Variants in NFIC observed in about 807,000 individuals in gnomAD.
The protein encoded by NFIC is nuclear factor I C, also known as nuclear factor 1 C-type.
NFIC carries 12 observed loss-of-function variants against 54.4 expected under a neutral mutation model. The ratio of observed to expected loss-of-function variants is 0.22; its 90% CI spans 0.14 to 0.36. The LOEUF (loss-of-function observed/expected upper bound fraction) is 0.36, where lower values mean the gene tolerates loss of function less well. NFIC is among the 10% of genes least tolerant of loss of function. The pLI, the probability that NFIC is intolerant of heterozygous loss-of-function variation, is 1.00. For synonymous variants in NFIC, 322 were observed against 319.2 expected (o/e 1.01, Z -0.09); for missense variants, 575 against 718.2 (o/e 0.80, Z 2.28).
chr19:3,419,956 G>A lies in NFIC; in HGVS notation c.563-5150G>A, dbSNP rs184897414. Among the ~76,000 whole-genome samples the A allele has an allele frequency of 2.1e-3, 313 of 152,156 alleles. 1 individual carries two copies. The highest frequency in any genetic ancestry group is 6.8e-3 in the Middle Eastern group (2 of 294). On this transcript the variant is annotated intron_variant, in intron 2 of 10. Coordinates refer to ENST00000443272, the MANE Select transcript of NFIC (RefSeq NM_001245002.2). ...GGCTGGATGTTTTCTCCCGAGATCA[G>A]GAACAAGACAAGGACACCACTTTCC...
intron 1 of NFIC, among the ~76,000 whole-genome samples, chr19:3,373,638 A>G (rs939948809): frequency 9.5e-6 from 1 of 105,510 alleles, no homozygotes; most frequent in Non-Finnish European, 1.8e-5. Flanking sequence ...AAGCTAAAAA[A>G]CACCCCCCAC....
intron 2 of NFIC, among the ~76,000 whole-genome samples, chr19:3,414,042 G>A (rs914981136): frequency 4.6e-5 from 7 of 152,122 alleles, no homozygotes; most frequent in Admixed American, 1.3e-4. Context: ...TCCCTTGGGC[G>A]TCTGGCATCC....
chr19:3,436,591 C>G (rs2082207745), intron 6 of NFIC, among the ~76,000 whole-genome samples: 1 of 151,986 alleles, frequency 6.6e-6, no homozygotes, highest in Non-Finnish European at 1.5e-5. Flanking sequence ...TCTCCTGCCT[C>G]AGCCTCCCAA....
At chr19:3,390,371 G>C (rs2081358976) in intron 2 of NFIC, among the ~76,000 whole-genome samples, 1 of 152,206 alleles carries the variant, frequency 6.6e-6, no homozygotes, top group South Asian at 2.1e-4. Context: ...TGGTAAAGAG[G>C]GACGGGCAGG....
At chr19:3,383,294 G>C (rs2081242857) in intron 2 of NFIC, among the ~76,000 whole-genome samples, 1 of 152,166 alleles carries the variant, frequency 6.6e-6, no homozygotes, top group South Asian at 2.1e-4. Flanking sequence ...TAGCTCTGTG[G>C]GGTTGAGGAA....
At chr19:3,429,849 C>T (rs968260044) in intron 3 of NFIC, among the ~76,000 whole-genome samples, 2 of 152,194 alleles carry the variant, frequency 1.3e-5, no homozygotes, top group Admixed American at 6.6e-5. Context: ...TTCCCAGTGC[C>T]GGGAACATCG....
intron 9 of NFIC, 170 bp downstream of exon 9, chr19:3,454,086 G>A: frequency 2.2e-6 from 3 of 1,368,190 alleles, no homozygotes; most frequent in Non-Finnish European, 2.8e-6. Context: ...CCCATGTAGG[G>A]CTGAGGCAGC....
rs1024832896 is a variant in NFIC at position 3,463,430 on chromosome 19, G to A, written c.*661G>A. 1.4e-5 allele frequency: 14 copies of A among 985,390 alleles called. No individual in the cohort carries two copies. Among genetic ancestry groups the A allele is most frequent in the Non-Finnish European group, 1.6e-5 (13 of 830,066 alleles). The allele number at this position is 985,390 out of a possible 1,614,324, so 61.0% of individuals were successfully genotyped here. A position where few individuals can be genotyped will look rare whatever the true frequency, so the allele number is the denominator to read the frequency against. On this transcript the variant is annotated 3_prime_UTR_variant, in exon 11 of 11. Transcript: ENST00000443272. ...GAGTGGTGTCGCGGGGGTGCGTGGC[G>A]CTTGCGAGCCCTGGCCAGGGGAGGA... is the stretch of plus-strand genomic sequence containing the variant.
rs1453970287 is a variant in NFIC, at chr19:3,370,719, CCT to C, written c.30+4062_30+4063del. The stretch of plus-strand genomic sequence containing the variant: ...CTGTCTCTTTCTTTCTCCCTCCCTT[CCT>C]CTCTCTCTGTTCCTCCTCTTCTTTC... On this transcript the variant is annotated intron_variant, in intron 1 of 10. Coordinates refer to ENST00000443272, the MANE Select transcript of NFIC (RefSeq NM_001245002.2). This position sits in a 1 kb window ranked among gnomAD's most constrained non-coding sequence, Gnocchi z 5.2. Among the ~76,000 whole-genome samples the C allele has an allele frequency of 3.3e-5, 5 of 151,218 alleles. No homozygotes were observed. The East Asian group carries it at 5.8e-4, about 18-fold the overall frequency.
Position 3,381,830 on chromosome 19 carries a change from C to G in NFIC, c.149C>G (p.Ser50Trp), listed in dbSNP as rs904256509. Residue 50 changes from serine to tryptophan, a missense_variant, in exon 2 of 11, where the codon TCG (serine) becomes TGG (tryptophan). Transcript: ENST00000443272. Reference sequence around the variant, plus strand: ...TTCAAGAAGCACGAGAAGCGGATGTCGAAGGACGAGGAGCGTGCGGTCAAG... The same window carrying G: ...TTCAAGAAGCACGAGAAGCGGATGTGGAAGGACGAGGAGCGTGCGGTCAAG... ...KYFKKHEKRM[S>W]KDEERAVKDE... 6.2e-7 allele frequency: 1 copy of G among 1,614,014 alleles called. No homozygotes were observed. Among genetic ancestry groups the G allele is most frequent in the Non-Finnish European group, 8.5e-7 (1 of 1,179,972 alleles).
chr19:3,361,094 T>C (rs1199371836), intron 1 of NFIC, among the ~76,000 whole-genome samples: 1 of 152,010 alleles, frequency 6.6e-6, no homozygotes, highest in Non-Finnish European at 1.5e-5. Flanking sequence ...CCCCTCCACT[T>C]CCCCCAGCCT....
intron 1 of NFIC, among the ~76,000 whole-genome samples, chr19:3,371,998 C>CCTCTCT (rs56852086): frequency 0.08 from 2,839 of 35,370 alleles, 673 homozygotes; most frequent in Non-Finnish European, 0.11. Flanking sequence ...CCTCTCTCTC[C>CCTCTCT]CTCTCTCTCT....
chr19:3,466,037 CAAA>C lies in NFIC; in HGVS notation c.*3271_*3273del, dbSNP rs1282021647. 7 of 152,238 alleles carry C rather than the reference CAAA, an allele frequency of 4.6e-5. No individual in the cohort carries two copies. The East Asian group carries it at 1.4e-3, about 29-fold the overall frequency. The allele number at this position is 152,238 out of a possible 1,614,324, so 9.4% of individuals were successfully genotyped here. A position where few individuals can be genotyped will look rare whatever the true frequency, so the allele number is the denominator to read the frequency against. On this transcript the variant is annotated 3_prime_UTR_variant, in exon 11 of 11. Transcript: ENST00000443272. This position sits in a 1 kb window ranked among gnomAD's most constrained non-coding sequence, Gnocchi z 4.8. The stretch of plus-strand genomic sequence containing the variant: ...AATATGAAGGGTATCCTGTATGAAA[CAAA>C]AACAAAACCTGATATATGCAATATC...
rs536392436 is a variant in NFIC at position 3,429,792 on chromosome 19, T to G, written c.635-3726T>G. Among the ~76,000 whole-genome samples the G allele has an allele frequency of 6.6e-5, 10 of 152,316 alleles. 1 individual carries two copies. Among genetic ancestry groups the G allele is most frequent in the Admixed American group, 5.9e-4 (9 of 15,292 alleles). On this transcript the variant is annotated intron_variant, in intron 3 of 10. Transcript: ENST00000443272. ...TCTTTCCACTCCAACCCTGCTGGCC[T>G]GCAACTTGCCAAGTGCATTTCTACC...
At chr19:3,363,605 A>ATG (rs1491466712), upstream of NFIC, among the ~76,000 whole-genome samples, 1 of 151,378 alleles carries the variant, frequency 6.6e-6, no homozygotes, top group Non-Finnish European at 1.5e-5. Flanking sequence ...GTGTGTGTGC[A>ATG]TGTGTGTGTA....
intron 2 of NFIC, among the ~76,000 whole-genome samples, chr19:3,419,053 G>T (rs1302857858): frequency 1.3e-5 from 2 of 152,108 alleles, no homozygotes; most frequent in East Asian, 3.9e-4. Context: ...TAGGTTGGCG[G>T]GGTCAGGGGG....
intron 2 of NFIC, among the ~76,000 whole-genome samples, chr19:3,389,585 C>T (rs977549602): frequency 1.3e-5 from 2 of 152,112 alleles, no homozygotes; most frequent in Admixed American, 6.6e-5. Context: ...TCTCTTTGAG[C>T]CTTAGTTTTT....
chr19:3,372,668 C>A (rs963949059), intron 1 of NFIC, among the ~76,000 whole-genome samples: 1 of 148,280 alleles, frequency 6.7e-6, no homozygotes, highest in African/African-American at 2.6e-5. Flanking sequence ...TGTCACTGGA[C>A]GCTCTGGCCC....
chr19:3,367,981 G>C (rs1019486666), intron 1 of NFIC, among the ~76,000 whole-genome samples: 1 of 152,168 alleles, frequency 6.6e-6, no homozygotes, highest in African/African-American at 2.4e-5. Context: ...TGCTGAGGGG[G>C]TCTGAGGTCT....
Sources: gnomAD v4.1 joint callset for allele counts (sites outside exome capture counted in the v4.1 genomes callset) on GRCh38, gnomAD v4.1.1 for gene constraint, Gnocchi (gnomAD v3.1) non-coding constraint, MANE v1.5 for transcripts, NCBI Gene and HGNC (gene_info 2026-07-23, HGNC 2026-07-21) for gene names.